Variants in WDPCP observed in about 807,000 individuals in gnomAD.
WDPCP encodes WD repeat containing planar cell polarity effector, also known as WD repeat-containing and planar cell polarity effector protein fritz homolog.
Under a neutral mutation model 93.1 loss-of-function variants are expected in WDPCP, and 71 were observed. The ratio of observed to expected loss-of-function variants is 0.76; its 90% CI spans 0.63 to 0.93. The LOEUF is 0.93. Ranked by LOEUF, WDPCP falls within the 40% of genes least tolerant of loss-of-function variation. The probability of loss-of-function intolerance (pLI) is 0.00; values close to 1 mark genes in which losing one functional copy is unlikely to be tolerated. For missense variants in WDPCP, 844 were observed against 887.4 expected (o/e 0.95, Z 0.62); for synonymous variants, 315 against 315.0 (o/e 1.00, Z 0.00).
chr2:63,286,778 G>A (rs4671470), intron 13 of WDPCP, among the ~76,000 whole-genome samples: 121,646 of 151,906 alleles, frequency 0.8, 49,564 homozygotes, highest in East Asian at 0.96. Flanking sequence ...AGCTTATTCT[G>A]TGGTTTCTTA....
intron 3 of WDPCP, among the ~76,000 whole-genome samples, chr2:63,610,568 TA>T (rs1028604146): frequency 1.8e-3 from 260 of 143,860 alleles, no homozygotes; most frequent in Middle Eastern, 3.5e-3. Flanking sequence ...TTTTGAGAAT[TA>T]AAAAAAAAAA....
At chr2:63,357,162 A>G (rs978448932) in intron 12 of WDPCP, among the ~76,000 whole-genome samples, 6 of 152,238 alleles carry the variant, frequency 3.9e-5, no homozygotes, top group Non-Finnish European at 4.4e-5. Flanking sequence ...CTAAAACTAT[A>G]AAAACCATGG....
intron 14 of WDPCP, among the ~76,000 whole-genome samples, chr2:63,197,559 C>T (rs1360936392): frequency 6.6e-6 from 1 of 152,108 alleles, no homozygotes; most frequent in Non-Finnish European, 1.5e-5. Context: ...GAAAGCCTAC[C>T]TATTGAAGTA....
At chr2:63,278,732 A>C (rs542529234) in intron 13 of WDPCP, among the ~76,000 whole-genome samples, 1 of 152,186 alleles carries the variant, frequency 6.6e-6, no homozygotes, top group Admixed American at 6.5e-5. Flanking sequence ...AGGCTGAGGC[A>C]GAAGAATGGT....
chr2:63,834,204 G>A, the WDPCP span, among the ~76,000 whole-genome samples: 2 of 152,100 alleles, frequency 1.3e-5, no homozygotes, highest in African/African-American at 2.4e-5. Flanking sequence ...ACAGCTGAAC[G>A]TCTCTCAGTC....
At chr2:63,328,176 C>T (rs1442582971) in intron 12 of WDPCP, among the ~76,000 whole-genome samples, 1 of 122,446 alleles carries the variant, frequency 8.2e-6, no homozygotes, top group Non-Finnish European at 1.7e-5. Flanking sequence ...TGTAAACACC[C>T]CAATAAGCAC....
chr2:63,448,956 TTAA>T (rs1005965663), intron 6 of WDPCP, among the ~76,000 whole-genome samples: 2 of 152,136 alleles, frequency 1.3e-5, no homozygotes, highest in Non-Finnish European at 2.9e-5. Flanking sequence ...GTGGCTAAAG[TTAA>T]TAATAATGTG....
intron 12 of WDPCP, among the ~76,000 whole-genome samples, chr2:63,376,050 T>G (rs1282425255): frequency 6.6e-6 from 1 of 151,920 alleles, no homozygotes. Context: ...ACTTCACAAA[T>G]ACAAAAAGGT....
chr2:63,208,361 G>A (rs996733118), intron 14 of WDPCP, among the ~76,000 whole-genome samples: 29 of 152,030 alleles, frequency 1.9e-4, no homozygotes, highest in Admixed American at 1.7e-3. Flanking sequence ...ATCTGCATAG[G>A]TCTGGAGCTT....
At chr2:63,671,971 C>T (rs1350438218) in intron 2 of WDPCP, among the ~76,000 whole-genome samples, 4 of 152,082 alleles carry the variant, frequency 2.6e-5, no homozygotes, top group Admixed American at 6.6e-5. Context: ...TCTCTCAGTC[C>T]GTCTCTGTGG....
intron 14 of WDPCP, among the ~76,000 whole-genome samples, chr2:63,220,948 TGTA>T (rs1553563547): frequency 6.6e-6 from 1 of 152,144 alleles, no homozygotes; most frequent in Non-Finnish European, 1.5e-5. Context: ...AGTGACAACA[TGTA>T]GTATTTGGTT....
intron 15 of WDPCP, among the ~76,000 whole-genome samples, chr2:63,173,267 G>A (rs376709424): frequency 6.2e-5 from 5 of 80,282 alleles, no homozygotes; most frequent in Admixed American, 1.4e-4. Flanking sequence ...AAACTCTGTC[G>A]CAAAAAAAAA....
intron 1 of WDPCP, among the ~76,000 whole-genome samples, chr2:63,550,104 A>G (rs1404724920): frequency 6.6e-6 from 1 of 151,800 alleles, no homozygotes; most frequent in Non-Finnish European, 1.5e-5. Context: ...TTCTGCCATT[A>G]TACTGGCTTC....
chr2:63,595,023 G>A, intron 3 of WDPCP: 1 of 278,270 alleles, frequency 3.6e-6, no homozygotes, highest in Non-Finnish European at 6.9e-6. Context: ...CTTTTCTAAG[G>A]TATTCATTTA....
chr2:63,678,184 G>T (rs75943494), intron 2 of WDPCP, among the ~76,000 whole-genome samples: 1,784 of 152,190 alleles, frequency 0.012, 14 homozygotes, highest in Non-Finnish European at 0.014. Context: ...CTGCTCCATC[G>T]TTCTTAGTTT....
chr2:63,382,912 G>A (rs1178848598), intron 10 of WDPCP, among the ~76,000 whole-genome samples: 1 of 152,106 alleles, frequency 6.6e-6, no homozygotes. Flanking sequence ...GCCTTCATGA[G>A]CCTGCAGTCA....
At chr2:63,308,470 A>G (rs777500274) in intron 13 of WDPCP, among the ~76,000 whole-genome samples, 8 of 152,256 alleles carry the variant, frequency 5.3e-5, no homozygotes, top group Non-Finnish European at 8.8e-5. Flanking sequence ...AGTATTCACA[A>G]TAGCAAAGAC....
At chr2:63,203,639 G>A (rs532583156) in intron 14 of WDPCP, among the ~76,000 whole-genome samples, 67 of 151,678 alleles carry the variant, frequency 4.4e-4, no homozygotes, top group African/African-American at 1.5e-3. Flanking sequence ...TCACTTCCCC[G>A]CTACCTCCAT....
chr2:63,417,424 C>T (rs1022832618), intron 9 of WDPCP, among the ~76,000 whole-genome samples: 1 of 151,870 alleles, frequency 6.6e-6, no homozygotes, highest in South Asian at 2.1e-4. Flanking sequence ...TCTTTAATTT[C>T]ATAATTTTAA....
Sources: allele counts gnomAD v4.1 joint callset (sites outside exome capture counted in the v4.1 genomes callset), GRCh38; gene constraint gnomAD v4.1.1; transcripts MANE v1.5; gene names NCBI Gene and HGNC (gene_info 2026-07-23, HGNC 2026-07-21).